ANKS1B: variants seen among roughly 807,000 people sequenced by gnomAD.
The protein encoded by ANKS1B is ankyrin repeat and sterile alpha motif domain-containing protein 1B.
A neutral mutation model predicts 148.3 loss-of-function variants in ANKS1B; 36 were observed. The observed-to-expected ratio is 0.24, with a 90% CI of 0.19 to 0.32. The LOEUF (loss-of-function observed/expected upper bound fraction) is 0.32. ANKS1B is among the 10% of genes least tolerant of loss of function. The probability of loss-of-function intolerance (pLI) is 1.00; values close to 1 mark genes in which losing one functional copy is unlikely to be tolerated. For missense variants in ANKS1B, 1,157 were observed against 1,542.6 expected, an observed-to-expected ratio of 0.75 and a Z score of 4.19; for synonymous variants, 542 against 560.8, an observed-to-expected ratio of 0.97 and a Z score of 0.47.
intron 1 of ANKS1B, among the ~76,000 whole-genome samples, chr12:99,972,521 C>T (rs1313157454): frequency 1.3e-5 from 2 of 152,258 alleles, no homozygotes; most frequent in East Asian, 3.9e-4. Flanking sequence ...CAGAGCAAGG[C>T]CCTAACTCTC....
At chr12:98,833,796 C>T (rs749885532) in intron 17 of ANKS1B, among the ~76,000 whole-genome samples, 5 of 152,092 alleles carry the variant, frequency 3.3e-5, no homozygotes, top group African/African-American at 4.8e-5. Context: ...ATCGTTATGC[C>T]CATGAGTACT....
intron 8 of ANKS1B, among the ~76,000 whole-genome samples, chr12:99,686,900 C>T (rs2153494137): frequency 6.6e-6 from 1 of 152,244 alleles, no homozygotes; most frequent in South Asian, 2.1e-4. Flanking sequence ...ACAAATTTCT[C>T]TTACATTTAT....
At chr12:99,978,949 T>G (rs2095659933) in intron 1 of ANKS1B, among the ~76,000 whole-genome samples, 1 of 152,202 alleles carries the variant, frequency 6.6e-6, no homozygotes, top group Admixed American at 6.5e-5. Flanking sequence ...TAATAAAGTT[T>G]TATCACTGTA....
chr12:99,303,058 G>A (rs778062676), intron 12 of ANKS1B, among the ~76,000 whole-genome samples: 5 of 151,976 alleles, frequency 3.3e-5, no homozygotes, highest in Non-Finnish European at 4.4e-5. Flanking sequence ...CGCACACACC[G>A]GTCAGAATAG....
chr12:99,645,952 C>T (rs953586405), intron 9 of ANKS1B, among the ~76,000 whole-genome samples: 11 of 150,706 alleles, frequency 7.3e-5, no homozygotes, highest in Non-Finnish European at 1.2e-4. Context: ...TGGAGACCAG[C>T]GCTCTAATGG....
At chr12:99,546,664 C>T (rs182993702) in intron 9 of ANKS1B, among the ~76,000 whole-genome samples, 13 of 152,246 alleles carry the variant, frequency 8.5e-5, no homozygotes, top group African/African-American at 3.1e-4. Context: ...GGCTAGACCA[C>T]CCTCTGAAAA....
chr12:99,983,506 T>C (rs1435151601), intron 1 of ANKS1B, among the ~76,000 whole-genome samples: 1 of 152,200 alleles, frequency 6.6e-6, no homozygotes, highest in East Asian at 1.9e-4. Flanking sequence ...TTCACTCAGC[T>C]ATGTCCAGGT....
At chr12:99,683,481 T>TA (rs1334852712) in intron 8 of ANKS1B, among the ~76,000 whole-genome samples, 1 of 151,892 alleles carries the variant, frequency 6.6e-6, no homozygotes, top group Non-Finnish European at 1.5e-5. Flanking sequence ...ATTAAAATGA[T>TA]AATAACAAAT....
intron 8 of ANKS1B, among the ~76,000 whole-genome samples, chr12:99,691,603 A>G (rs1456238570): frequency 6.6e-6 from 1 of 152,172 alleles, no homozygotes; most frequent in East Asian, 1.9e-4. Context: ...CCTCATCTCC[A>G]TCTGAGACCA....
In ANKS1B at chr12:99,215,753, T is replaced by C. The variant is rs937326988; in HGVS notation, c.2419+28589A>G. ...CCAATGCCTGTACCCTCATTATACC[T>C]AGGAAGTAACTAACTTGCTTTGATT... On this transcript the variant is annotated intron_variant, in intron 14 of 26. Coordinates refer to ENST00000683438, the MANE Select transcript of ANKS1B (RefSeq NM_001352186.2). Among the ~76,000 whole-genome samples, 7 of 152,246 alleles carry C rather than the reference T, an allele frequency of 4.6e-5. No homozygotes were observed. In the East Asian group the frequency reaches 1.3e-3, roughly 29 times the overall value.
intron 8 of ANKS1B, among the ~76,000 whole-genome samples, chr12:99,713,913 T>C (rs868222978): frequency 6.6e-6 from 1 of 152,210 alleles, no homozygotes; most frequent in South Asian, 2.1e-4. Flanking sequence ...TCCAAATCTA[T>C]GTTAGCTTCC....
intron 17 of ANKS1B, among the ~76,000 whole-genome samples, chr12:98,989,536 G>C (rs2099925327): frequency 6.6e-6 from 1 of 152,158 alleles, no homozygotes; most frequent in South Asian, 2.1e-4. Flanking sequence ...TTGAAATCAG[G>C]TAGTATGATG....
intron 1 of ANKS1B, among the ~76,000 whole-genome samples, chr12:99,830,579 G>A (rs1369705374): frequency 7.2e-6 from 1 of 138,804 alleles, no homozygotes; most frequent in Non-Finnish European, 1.5e-5. Flanking sequence ...ATGAATATAA[G>A]AGAAGCCCTA....
At chr12:98,789,848 A>G (rs1297406430) in intron 22 of ANKS1B, among the ~76,000 whole-genome samples, 4 of 152,218 alleles carry the variant, frequency 2.6e-5, no homozygotes, top group Admixed American at 6.5e-5. Context: ...TTCAAAATAT[A>G]TTATTGTGTT....
chr12:99,174,559 C>A (rs1566552313), intron 14 of ANKS1B, among the ~76,000 whole-genome samples: 1 of 152,106 alleles, frequency 6.6e-6, no homozygotes, highest in Non-Finnish European at 1.5e-5. Flanking sequence ...TCTCCCTCTG[C>A]TGTACACACA....
intron 25 of ANKS1B, among the ~76,000 whole-genome samples, chr12:98,769,368 G>C (rs1052218958): frequency 3.3e-5 from 5 of 151,718 alleles, no homozygotes; most frequent in African/African-American, 1.2e-4. Flanking sequence ...CCAGGTCAAG[G>C]GTGGTGGCCT....
intron 8 of ANKS1B, among the ~76,000 whole-genome samples, chr12:99,764,378 T>C (rs1456846161): frequency 6.6e-6 from 1 of 152,126 alleles, no homozygotes; most frequent in African/African-American, 2.4e-5. Context: ...AGACAAAACA[T>C]GAACGTGGAC....
chr12:99,337,858 T>C (rs2089228602), intron 12 of ANKS1B, among the ~76,000 whole-genome samples: 1 of 152,142 alleles, frequency 6.6e-6, no homozygotes, highest in Non-Finnish European at 1.5e-5. Context: ...TCTTTTACTT[T>C]CCACTAACAA....
intron 9 of ANKS1B, among the ~76,000 whole-genome samples, chr12:99,614,153 G>A (rs1393440077): frequency 6.6e-6 from 1 of 151,838 alleles, no homozygotes; most frequent in Non-Finnish European, 1.5e-5. Flanking sequence ...AATCCATAGA[G>A]GCTGGGCATG....
Sources: allele counts gnomAD v4.1 joint callset (sites outside exome capture counted in the v4.1 genomes callset), GRCh38; gene constraint gnomAD v4.1.1; transcripts MANE v1.5; gene names NCBI Gene and HGNC (gene_info 2026-07-23, HGNC 2026-07-21).